The following FRMD3 variants were observed in gnomAD, a reference collection of about 807,000 sequenced individuals.
The protein encoded by FRMD3 is FERM domain-containing protein 3.
Under a neutral mutation model 70.2 loss-of-function variants are expected in FRMD3, and 33 were observed. That is an observed-to-expected ratio of 0.47 (90% CI 0.36 to 0.63). FRMD3 has a LOEUF of 0.63. FRMD3 is among the 20% of genes least tolerant of loss of function. The pLI is 0.00. For missense variants in FRMD3, 632 were observed against 711.4 expected (o/e 0.89, Z 1.27); for synonymous variants, 279 against 255.9 (o/e 1.09, Z -0.86).
chr9:83,274,466 T>C (rs941027795), intron 13 of FRMD3, among the ~76,000 whole-genome samples: 3 of 152,136 alleles, frequency 2.0e-5, no homozygotes, highest in East Asian at 1.9e-4. Context: ...CCAAGAAATA[T>C]GTCATAGAGG....
the FRMD3 span, among the ~76,000 whole-genome samples, chr9:83,546,351 C>T: frequency 4.6e-5 from 7 of 151,998 alleles, no homozygotes; most frequent in South Asian, 2.1e-4. Flanking sequence ...AGCAAGACTG[C>T]GTCTCAAAAA....
chr9:83,489,151 G>C (rs1828758047), intron 1 of FRMD3, among the ~76,000 whole-genome samples: 2 of 152,056 alleles, frequency 1.3e-5, no homozygotes, highest in Non-Finnish European at 2.9e-5. Flanking sequence ...AAAAATCCTA[G>C]AAGAAAATCT....
chr9:83,510,121 A>C (rs973997358), intron 1 of FRMD3, among the ~76,000 whole-genome samples: 2 of 152,200 alleles, frequency 1.3e-5, no homozygotes, highest in African/African-American at 4.8e-5. Context: ...CCAGCCCCGC[A>C]GATGAAAGAG....
Position 83,434,102 on chromosome 9 carries a change from C to T in FRMD3, c.148-44394G>A, listed in dbSNP as rs1827060863. 2.0e-5 allele frequency among the ~76,000 whole-genome samples: 3 copies of T among 152,354 alleles called. No homozygotes were observed. In the South Asian group the frequency reaches 6.2e-4, roughly 32 times the overall value. ...GGGAGGCACAGTGTTTCTTCATAAA[C>T]TTCCTTCCTCAAGCTCACAGGCTTG... On this transcript the variant is annotated intron_variant, in intron 1 of 13. Coordinates refer to ENST00000304195, the MANE Select transcript of FRMD3 (RefSeq NM_174938.6).
intron 10 of FRMD3, among the ~76,000 whole-genome samples, chr9:83,304,247 G>A (rs1265446206): frequency 6.6e-6 from 1 of 152,178 alleles, no homozygotes; most frequent in African/African-American, 2.4e-5. Flanking sequence ...AATTGGGTCT[G>A]GGGTAGGATG....
At chr9:83,329,647 C>T (rs1240997986) in intron 6 of FRMD3, among the ~76,000 whole-genome samples, 4 of 152,142 alleles carry the variant, frequency 2.6e-5, no homozygotes, top group Admixed American at 2.6e-4. Flanking sequence ...GTTTAAAAAA[C>T]ACACTGTGTC....
At chr9:83,470,510 TA>T (rs1828243675) in intron 1 of FRMD3, among the ~76,000 whole-genome samples, 1 of 152,190 alleles carries the variant, frequency 6.6e-6, no homozygotes, top group Non-Finnish European at 1.5e-5. Context: ...AGTAAACGTT[TA>T]TTTGTTAATT....
At chr9:83,351,955 T>C (rs1020836228) in intron 3 of FRMD3, among the ~76,000 whole-genome samples, 4 of 152,232 alleles carry the variant, frequency 2.6e-5, no homozygotes, top group African/African-American at 4.8e-5. Context: ...AATAAGATCA[T>C]ACTGTACATG....
At chr9:83,262,106 A>G (rs879591252) in intron 13 of FRMD3, among the ~76,000 whole-genome samples, 7 of 152,204 alleles carry the variant, frequency 4.6e-5, no homozygotes, top group African/African-American at 7.2e-5. Context: ...GAGAACATAG[A>G]ACACAACTTA....
chr9:83,502,814 C>T (rs1587485961), intron 1 of FRMD3, among the ~76,000 whole-genome samples: 1 of 152,272 alleles, frequency 6.6e-6, no homozygotes, highest in East Asian at 1.9e-4. Flanking sequence ...CCTTTGTCCT[C>T]TGCCATTCAG....
intron 1 of FRMD3, among the ~76,000 whole-genome samples, chr9:83,390,961 T>C (rs1398621202): frequency 6.6e-6 from 1 of 152,170 alleles, no homozygotes; most frequent in Non-Finnish European, 1.5e-5. Flanking sequence ...AAGATCTCCA[T>C]TGACTACTCA....
chr9:83,372,632 T>C (rs1252211461), intron 3 of FRMD3, among the ~76,000 whole-genome samples: 1 of 151,810 alleles, frequency 6.6e-6, no homozygotes, highest in Non-Finnish European at 1.5e-5. Context: ...GTTTAAGAGG[T>C]ATTTAACCAT....
chr9:83,272,124 TC>T (rs1833579150), intron 13 of FRMD3, among the ~76,000 whole-genome samples: 1 of 146,516 alleles, frequency 6.8e-6, no homozygotes, highest in African/African-American at 2.5e-5. Flanking sequence ...TCTGTCTCCC[TC>T]TCTCTCCACG....
the FRMD3 span, among the ~76,000 whole-genome samples, chr9:83,561,808 C>T: frequency 1.3e-5 from 2 of 152,136 alleles, no homozygotes; most frequent in Non-Finnish European, 2.9e-5. Context: ...TATTTGCAAA[C>T]AAGAACAGAG....
At chr9:83,573,557 G>A in the FRMD3 span, among the ~76,000 whole-genome samples, 2 of 152,044 alleles carry the variant, frequency 1.3e-5, no homozygotes, top group African/African-American at 4.8e-5. Context: ...GGAGCAAGCT[G>A]GAAGCAGAGA....
intron 1 of FRMD3, among the ~76,000 whole-genome samples, chr9:83,408,674 C>G (rs1177997506): frequency 6.6e-6 from 1 of 152,200 alleles, no homozygotes; most frequent in Non-Finnish European, 1.5e-5. Flanking sequence ...TTGGTGTCAA[C>G]CCCTAAATTT....
At chr9:83,534,853 T>C (rs1829859489) in intron 1 of FRMD3, among the ~76,000 whole-genome samples, 1 of 152,202 alleles carries the variant, frequency 6.6e-6, no homozygotes, top group Admixed American at 6.5e-5. Context: ...ACATTAAGTT[T>C]GCAAACTGGC....
intron 6 of FRMD3, among the ~76,000 whole-genome samples, chr9:83,332,317 T>C (rs1823405813): frequency 6.6e-6 from 1 of 152,112 alleles, no homozygotes; most frequent in Non-Finnish European, 1.5e-5. Context: ...TTCATGAAAA[T>C]TCTTCTTAAA....
chr9:83,430,028 T>C (rs146353280), intron 1 of FRMD3, among the ~76,000 whole-genome samples: 1 of 152,348 alleles, frequency 6.6e-6, no homozygotes, highest in African/African-American at 2.4e-5. Flanking sequence ...CATCATGAAC[T>C]CCTTTGTTCC....
Sources: allele counts gnomAD v4.1 joint callset (sites outside exome capture counted in the v4.1 genomes callset), GRCh38; gene constraint gnomAD v4.1.1; transcripts MANE v1.5; gene names NCBI Gene and HGNC (gene_info 2026-07-23, HGNC 2026-07-21).